Variants in TENM2 observed in about 807,000 individuals in gnomAD.
TENM2 encodes teneurin transmembrane protein 2.
A neutral mutation model predicts 245.2 loss-of-function variants in TENM2; 52 were observed. The ratio of observed to expected loss-of-function variants is 0.21; its 90% CI spans 0.17 to 0.27. The LOEUF (loss-of-function observed/expected upper bound fraction) is 0.27, where lower values mean the gene tolerates loss of function less well. Ranked by LOEUF, TENM2 falls within the 10% of genes least tolerant of loss-of-function variation. The pLI is 1.00. For missense variants in TENM2, 3,046 were observed against 3,666.8 expected (o/e 0.83, Z 4.37); for synonymous variants, 1,363 against 1,438.9 (o/e 0.95, Z 1.19).
chr5:168,205,455 TATAAC>T (rs780240389), intron 19 of TENM2, among the ~76,000 whole-genome samples: 9 of 151,954 alleles, frequency 5.9e-5, no homozygotes, highest in Non-Finnish European at 1.3e-4. Context: ...TTAGGGGAAA[TATAAC>T]AGAGTAAGAA....
At chr5:167,368,713 A>G (rs1760213471) in intron 1 of TENM2, among the ~76,000 whole-genome samples, 2 of 152,054 alleles carry the variant, frequency 1.3e-5, no homozygotes, top group Non-Finnish European at 2.9e-5. Flanking sequence ...CTGTGTGTGT[A>G]TTTTGACAAG....
the TENM2 span, among the ~76,000 whole-genome samples, chr5:167,173,901 C>CT: frequency 1.3e-5 from 2 of 152,006 alleles, no homozygotes; most frequent in African/African-American, 4.8e-5. Context: ...ATGTTAACCA[C>CT]TTTTTTGCTG....
chr5:167,837,643 T>C (rs757948947), intron 2 of TENM2, among the ~76,000 whole-genome samples: 27 of 152,220 alleles, frequency 1.8e-4, no homozygotes, highest in African/African-American at 5.3e-4. Context: ...TATTAAGATA[T>C]CCATATTCTT....
chr5:167,249,777 C>T, the TENM2 span, among the ~76,000 whole-genome samples: 3 of 152,118 alleles, frequency 2.0e-5, no homozygotes, highest in African/African-American at 4.8e-5. Context: ...TGTTTGGACT[C>T]ACTATGCCTT....
intron 9 of TENM2, among the ~76,000 whole-genome samples, chr5:168,113,189 G>GCACACCTGTGGTC (rs1794818925): frequency 6.6e-6 from 1 of 151,928 alleles, no homozygotes; most frequent in Non-Finnish European, 1.5e-5. Context: ...GCATGGTGGT[G>GCACACCTGTGGTC]CACACCTGTG....
At chr5:167,540,311 T>TA (rs1205792133) in intron 2 of TENM2, among the ~76,000 whole-genome samples, 1 of 152,152 alleles carries the variant, frequency 6.6e-6, no homozygotes, top group African/African-American at 2.4e-5. Flanking sequence ...GGAATTACCA[T>TA]AGGGGATCAA....
Position 167,599,688 on chromosome 5 carries a change from GT to G in TENM2, c.502+224222del, listed in dbSNP as rs1186261849. Among the ~76,000 whole-genome samples, 8 of 152,114 alleles carry G rather than the reference GT, an allele frequency of 5.3e-5. No individual in the cohort carries two copies. In the East Asian group the frequency reaches 1.6e-3, roughly 29 times the overall value. On this transcript the variant is annotated intron_variant, in intron 2 of 28. Transcript: ENST00000518659. ...TGGAATAGCCAGATGGTTTTGTTGG[GT>G]TTTTTTATTTGTTTATTTGATTGAT... is the stretch of plus-strand genomic sequence containing the variant.
intron 10 of TENM2, among the ~76,000 whole-genome samples, chr5:168,121,904 A>C (rs1346875435): frequency 6.6e-6 from 1 of 152,246 alleles, no homozygotes; most frequent in Non-Finnish European, 1.5e-5. Flanking sequence ...TTATTGGAAC[A>C]ATATAAACAT....
intron 3 of TENM2, among the ~76,000 whole-genome samples, chr5:167,926,956 TTTAA>T (rs1316165066): frequency 1.3e-5 from 2 of 152,218 alleles, no homozygotes; most frequent in Non-Finnish European, 2.9e-5. Context: ...AATTAAAAAC[TTTAA>T]TTAAAACACA....
At chr5:167,096,979 G>A in the TENM2 span, among the ~76,000 whole-genome samples, 2 of 152,112 alleles carry the variant, frequency 1.3e-5, no homozygotes, top group African/African-American at 4.8e-5. Context: ...CCGTGATCTA[G>A]TCAGCCAGTC....
chr5:168,149,341 A>T, intron 12 of TENM2: 1 of 456,730 alleles, frequency 2.2e-6, no homozygotes, highest in Non-Finnish European at 4.4e-6. Context: ...AGAGGAGGGC[A>T]GAATCCTCAC....
At chr5:167,121,892 T>C in the TENM2 span, among the ~76,000 whole-genome samples, 2 of 152,180 alleles carry the variant, frequency 1.3e-5, no homozygotes, top group African/African-American at 2.4e-5. Flanking sequence ...TTTGAATTGA[T>C]ACAATGGGGA....
intron 2 of TENM2, among the ~76,000 whole-genome samples, chr5:167,406,491 T>A (rs1762645825): frequency 6.6e-6 from 1 of 152,172 alleles, no homozygotes; most frequent in African/African-American, 2.4e-5. Context: ...TGAATGTATA[T>A]CAGCAGAAAA....
At chr5:167,914,712 C>T (rs1334375943) in intron 3 of TENM2, among the ~76,000 whole-genome samples, 1 of 152,134 alleles carries the variant, frequency 6.6e-6, no homozygotes, top group Non-Finnish European at 1.5e-5. Context: ...CTCCCTGAGC[C>T]TCTCAGGGAG....
At chr5:167,500,206 G>T (rs1254762437) in intron 2 of TENM2, among the ~76,000 whole-genome samples, 2 of 152,066 alleles carry the variant, frequency 1.3e-5, no homozygotes, top group Non-Finnish European at 2.9e-5. Flanking sequence ...TGCAAAGCCT[G>T]AGAGCAGACG....
chr5:166,999,718 G>C, the TENM2 span, among the ~76,000 whole-genome samples: 1 of 152,110 alleles, frequency 6.6e-6, no homozygotes, highest in African/African-American at 2.4e-5. Flanking sequence ...AACAAAACAA[G>C]TTTTCGAGGA....
At chr5:167,323,689 T>C (rs1422535) in intron 1 of TENM2, among the ~76,000 whole-genome samples, 89,064 of 152,038 alleles carry the variant, frequency 0.59, 26,219 homozygotes, top group Admixed American at 0.64. Context: ...GTTACACAGG[T>C]ATATTTAAAA....
chr5:167,067,114 G>T, the TENM2 span, among the ~76,000 whole-genome samples: 1 of 152,146 alleles, frequency 6.6e-6, no homozygotes. Flanking sequence ...AAGTTGAAGT[G>T]ATTCTGTATA....
At chr5:167,344,180 G>A (rs981936484) in intron 1 of TENM2, among the ~76,000 whole-genome samples, 4 of 148,228 alleles carry the variant, frequency 2.7e-5, no homozygotes, top group African/African-American at 7.4e-5. Flanking sequence ...ATATAAAGTA[G>A]AGAATACACA....
Sources: allele counts gnomAD v4.1 joint callset (sites outside exome capture counted in the v4.1 genomes callset), GRCh38; gene constraint gnomAD v4.1.1; transcripts MANE v1.5; gene names NCBI Gene and HGNC (gene_info 2026-07-23, HGNC 2026-07-21).